The following EFCAB13 variants were observed in gnomAD, a reference collection of about 807,000 sequenced individuals.
The protein encoded by EFCAB13 is EF-hand calcium binding domain 13, also known as EF-hand calcium-binding domain-containing protein 13.
Under a neutral mutation model 110.2 loss-of-function variants are expected in EFCAB13, and 91 were observed. That is an observed-to-expected ratio of 0.83 (90% CI 0.70 to 0.98). The LOEUF (loss-of-function observed/expected upper bound fraction) is 0.98, where lower values mean the gene tolerates loss of function less well. Ranked by LOEUF, EFCAB13 falls within the 50% of genes least tolerant of loss-of-function variation. The probability of loss-of-function intolerance (pLI) is 0.00; values close to 1 mark genes in which losing one functional copy is unlikely to be tolerated. For missense variants in EFCAB13, 968 were observed against 1,119.4 expected, an observed-to-expected ratio of 0.86 and a Z score of 1.93; for synonymous variants, 323 against 369.9, an observed-to-expected ratio of 0.87 and a Z score of 1.45.
rs759569556 is a variant in EFCAB13, at chr17:47,374,611, T to TA, written c.1024dup (p.Ser342LysfsTer6). ...AACCTTCAATATCCAAAAAGTTAAA[T>TA]AAAAAAAGCAACCAATATTATAGCA... is the stretch of plus-strand genomic sequence containing the variant. On this transcript the variant is annotated frameshift_variant, in exon 12 of 25. Coordinates refer to ENST00000331493, the MANE Select transcript of EFCAB13 (RefSeq NM_152347.5). LOFTEE classifies it high-confidence loss of function. The TA allele has an allele frequency of 1.2e-6, 2 of 1,602,990 alleles. No individual in the cohort carries two copies. Among genetic ancestry groups the TA allele is most frequent in the South Asian group, 1.1e-5 (1 of 87,728 alleles).
chr17:47,365,736 A>G (rs1225577315), intron 10 of EFCAB13, among the ~76,000 whole-genome samples: 1 of 152,170 alleles, frequency 6.6e-6, no homozygotes, highest in Admixed American at 6.5e-5. Context: ...AAAGACCTAT[A>G]GGTTCTATGT....
intron 23 of EFCAB13, among the ~76,000 whole-genome samples, chr17:47,421,110 C>T (rs1482321433): frequency 1.3e-5 from 2 of 151,884 alleles, no homozygotes; most frequent in African/African-American, 4.8e-5. Flanking sequence ...AGTGAGGAGC[C>T]CCTCTGCCCG....
chr17:47,378,458 A>G (rs945713510), intron 13 of EFCAB13, among the ~76,000 whole-genome samples: 14 of 152,204 alleles, frequency 9.2e-5, no homozygotes, highest in Admixed American at 2.0e-4. Flanking sequence ...ATTTTCCACA[A>G]CAGAAGTTCA....
chr17:47,427,164 C>T (rs1274107547), intron 23 of EFCAB13, among the ~76,000 whole-genome samples: 1 of 151,978 alleles, frequency 6.6e-6, no homozygotes, highest in Non-Finnish European at 1.5e-5. Flanking sequence ...AAATACATCA[C>T]GTTTTTATTA....
chr17:47,412,729 A>G (rs2065842298), intron 21 of EFCAB13, 44 bp from the exon 22 acceptor site: 1 of 1,515,104 alleles, frequency 6.6e-7, no homozygotes, highest in Admixed American at 2.0e-5. Flanking sequence ...ATTATTTTGA[A>G]TGTTTTTTAC....
chr17:47,326,687 A>G (rs1324505068), intron 3 of EFCAB13, among the ~76,000 whole-genome samples: 1 of 152,232 alleles, frequency 6.6e-6, no homozygotes, highest in African/African-American at 2.4e-5. Flanking sequence ...TATGCACAGT[A>G]GTTTAGAGGT....
chr17:47,397,008 G>A (rs1004176327), intron 17 of EFCAB13, among the ~76,000 whole-genome samples: 32 of 148,576 alleles, frequency 2.2e-4, no homozygotes, highest in African/African-American at 7.9e-4. Context: ...TGAAAATAAC[G>A]TCCCTCTCCC....
Position 47,336,292 on chromosome 17 carries a change from A to AT in EFCAB13, c.191+953dup, listed in dbSNP as rs5820651. Among the ~76,000 whole-genome samples the AT allele has an allele frequency of 9.0e-3, 1,173 of 130,516 alleles. 9 individuals carry two copies. The highest frequency in any genetic ancestry group is 0.027 in the African/African-American group (940 of 34,628). The allele number at this position is 130,516 out of a possible 152,430, so 85.6% of individuals were successfully genotyped here. ...CAGGCGTGCGCCGTCACACTCGGCT[A>AT]TTTTTTTTTTTTTTTTTGAAATGGA... On this transcript the variant is annotated intron_variant, in intron 5 of 24. Transcript: ENST00000331493.
intron 14 of EFCAB13, among the ~76,000 whole-genome samples, chr17:47,380,249 G>C (rs1311190627): frequency 6.6e-6 from 1 of 151,100 alleles, no homozygotes; most frequent in Admixed American, 6.6e-5. Flanking sequence ...CCCCCTGACA[G>C]GCCCCAGTGT....
chr17:47,351,304 T>TGTGCGC (rs1280645583), intron 9 of EFCAB13, among the ~76,000 whole-genome samples: 8 of 122,980 alleles, frequency 6.5e-5, no homozygotes, highest in African/African-American at 2.1e-4. Flanking sequence ...TGTGTGTGTG[T>TGTGCGC]GCGCGCGCGC....
chr17:47,422,512 ATTT>A (rs556514965), intron 23 of EFCAB13, among the ~76,000 whole-genome samples: 1 of 152,180 alleles, frequency 6.6e-6, no homozygotes, highest in Non-Finnish European at 1.5e-5. Flanking sequence ...TTATTATATT[ATTT>A]TATTTCAGTT....
At chr17:47,427,653 A>G (rs1905005592) in intron 23 of EFCAB13, among the ~76,000 whole-genome samples, 1 of 152,072 alleles carries the variant, frequency 6.6e-6, no homozygotes, top group East Asian at 1.9e-4. Context: ...AAATGTAATT[A>G]TATCACAGGT....
At chr17:47,398,778 A>C (rs1418742416) in intron 17 of EFCAB13, among the ~76,000 whole-genome samples, 1 of 151,180 alleles carries the variant, frequency 6.6e-6, no homozygotes, top group African/African-American at 2.4e-5. Flanking sequence ...TTATCTGCTG[A>C]CCTTGCCTCC....
chr17:47,364,382 C>T (rs746482566), intron 10 of EFCAB13, among the ~76,000 whole-genome samples: 25 of 150,774 alleles, frequency 1.7e-4, no homozygotes, highest in African/African-American at 4.2e-4. Context: ...GGTGTGATCT[C>T]GGCTCACTGC....
chr17:47,344,608 A>G (rs1461610734), intron 7 of EFCAB13, among the ~76,000 whole-genome samples: 1 of 152,124 alleles, frequency 6.6e-6, no homozygotes, highest in Non-Finnish European at 1.5e-5. Context: ...AGCAATTTAC[A>G]TGTTATAGTA....
intron 23 of EFCAB13, chr17:47,423,479 G>A (rs1904797718): frequency 9.1e-6 from 2 of 220,014 alleles, no homozygotes; most frequent in Non-Finnish European, 1.8e-5. Context: ...GCTGCGGGCG[G>A]CCGGGCGAAC....
Position 47,412,933 on chromosome 17 carries a change from C to T in EFCAB13, c.2422+17C>T. The T allele has an allele frequency of 1.9e-6, 3 of 1,593,322 alleles. No homozygotes were observed. The highest frequency in any genetic ancestry group is 2.6e-6 in the Non-Finnish European group (3 of 1,169,736). The stretch of plus-strand genomic sequence containing the variant: ...ACGTCAGTGGTGAGCATTTTTTTGG[C>T]CTGAGATTCTTTTCATTTTTTTTCT... On this transcript the variant is annotated intron_variant, in intron 22 of 24. Transcript: ENST00000331493.
chr17:47,394,188 T>A, intron 16 of EFCAB13, 89 bp downstream of exon 16: 1 of 758,212 alleles, frequency 1.3e-6, no homozygotes, highest in Non-Finnish European at 2.0e-6. Flanking sequence ...TAGTCTCTTA[T>A]AGAGCTAGTT....
At chr17:47,386,646 C>T (rs2065678033) in intron 14 of EFCAB13, among the ~76,000 whole-genome samples, 1 of 152,098 alleles carries the variant, frequency 6.6e-6, no homozygotes, top group Non-Finnish European at 1.5e-5. Flanking sequence ...GTGAACAGCT[C>T]TGTCTCGCTG....
Sources: gnomAD v4.1 joint callset for allele counts (sites outside exome capture counted in the v4.1 genomes callset) on GRCh38, gnomAD v4.1.1 for gene constraint, MANE v1.5 for transcripts, NCBI Gene and HGNC (gene_info 2026-07-23, HGNC 2026-07-21) for gene names.